Variants in ZAN observed in about 807,000 individuals in gnomAD.
ZAN encodes zonadhesin.
ZAN carries 260 observed loss-of-function variants against 286.2 expected under a neutral mutation model. The observed-to-expected ratio is 0.91, with a 90% confidence interval of 0.82 to 1.01. ZAN has a LOEUF of 1.01. Ranked by LOEUF, ZAN falls within the 50% of genes least tolerant of loss-of-function variation. The probability of loss-of-function intolerance (pLI) is 0.00; values close to 1 mark genes in which losing one functional copy is unlikely to be tolerated. For synonymous variants in ZAN, 1,368 were observed against 1,417.5 expected (o/e 0.97, Z 0.79); for missense variants, 3,410 against 3,639.2 (o/e 0.94, Z 1.62).
chr7:100,787,131 A>C (rs1461034436), intron 37 of ZAN, among the ~76,000 whole-genome samples: 2 of 151,870 alleles, frequency 1.3e-5, no homozygotes, highest in Non-Finnish European at 2.9e-5. Context: ...TGAAAAAAAA[A>C]AGTCTAGGTA....
rs1810185926 is a variant in ZAN at position 100,768,731 on chromosome 7, G to A, written c.5153+10G>A. On this transcript the variant is annotated intron_variant, in intron 27 of 47. Transcript: ENST00000613979. ...AATCCTCTGAACCTGGGTGAGCTGG[G>A]GGTCAGGGGAGCCAGGCAGGAGGGG... 1.9e-6 allele frequency: 3 copies of A among 1,582,966 alleles called. No homozygotes were observed. The highest frequency in any genetic ancestry group is 1.7e-4 in the Middle Eastern group (1 of 5,982).
In ZAN at chr7:100,788,014, G is replaced by T; in HGVS notation, c.7105G>T (p.Glu2369Ter). 3 of 1,570,610 alleles carry T rather than the reference G, an allele frequency of 1.9e-6. No individual in the cohort carries two copies. The highest frequency in any genetic ancestry group is 2.6e-6 in the Non-Finnish European group (3 of 1,150,416). Residue 2369 changes from glutamate (E) to a stop codon, truncating the protein, a stop_gained, in exon 38 of 48, where the codon GAG becomes TAG. Transcript: ENST00000613979. LOFTEE classifies it high-confidence loss of function. The stretch of plus-strand genomic sequence containing the variant: ...TGTGGACGTACTGCCTGAGGGGGTG[G>T]AGCCCCTCCTCGTGGAAGGACGCAA... ...KTVDVLPEGV[E>*]PLLVEGRNKM...
chr7:100,796,421 CT>C (rs144829996), intron 45 of ZAN, among the ~76,000 whole-genome samples: 13,899 of 120,294 alleles, frequency 0.12, 846 homozygotes, highest in African/African-American at 0.23. Context: ...CAGGAATCTG[CT>C]TTTTTTTTTT....
intron 34 of ZAN, among the ~76,000 whole-genome samples, 154 bp downstream of exon 34, chr7:100,776,718 CTTTTTTTTTTTTTT>C (rs1161585746): frequency 2.3e-4 from 11 of 47,508 alleles, no homozygotes; most frequent in Non-Finnish European, 2.4e-4. Flanking sequence ...CCTCTCCTTT[CTTTTTTTTTTTTTT>C]TTTTTTTTTT....
chr7:100,737,567 G>A (rs989601132), intron 6 of ZAN, among the ~76,000 whole-genome samples: 4 of 140,258 alleles, frequency 2.9e-5, no homozygotes, highest in African/African-American at 7.8e-5. Context: ...TTAGCCGGGC[G>A]CGGTGGCGGG....
chr7:100,770,110 C>A, intron 28 of ZAN, 136 bp downstream of exon 28: 2 of 767,660 alleles, frequency 2.6e-6, no homozygotes, highest in Non-Finnish European at 4.2e-6. Context: ...GAACACAGGG[C>A]CAGCCAGCAG....
chr7:100,739,644 G>A (rs911196741), intron 7 of ZAN, among the ~76,000 whole-genome samples: 2 of 133,082 alleles, frequency 1.5e-5, no homozygotes, highest in Non-Finnish European at 3.4e-5. Flanking sequence ...GTGCCCCGCC[G>A]TGAGTTATCA....
intron 30 of ZAN, 88 bp downstream of exon 30, chr7:100,773,581 C>G: frequency 6.4e-7 from 1 of 1,557,244 alleles, no homozygotes; most frequent in Admixed American, 1.9e-5. Context: ...GAGGAAGGCT[C>G]AGAACCTGGG....
At chr7:100,783,815 T>TACAC (rs1554409832) in intron 35 of ZAN, among the ~76,000 whole-genome samples, 2 of 44,244 alleles carry the variant, frequency 4.5e-5, no homozygotes, top group African/African-American at 5.9e-5. Flanking sequence ...CATATATATA[T>TACAC]ACATATATAT....
intron 24 of ZAN, 66 bp downstream of exon 24, chr7:100,766,732 C>G: frequency 6.6e-7 from 1 of 1,506,364 alleles, no homozygotes; most frequent in Non-Finnish European, 8.9e-7. Flanking sequence ...GTGATGGGTC[C>G]TGCCCAAAGC....
At chr7:100,771,743 G>GT in intron 28 of ZAN, 101 bp from the exon 29 acceptor site, 1 of 1,329,090 alleles carries the variant, frequency 7.5e-7, no homozygotes, top group Non-Finnish European at 1.0e-6. Flanking sequence ...GAAAATCCAG[G>GT]TTTTGACTGA....
chr7:100,767,211 C>T lies in ZAN; in HGVS notation c.4814C>T (p.Thr1605Ile), dbSNP rs752249924. 14 of 1,613,198 alleles carry T rather than the reference C, an allele frequency of 8.7e-6. No homozygotes were observed. The South Asian group carries it at 1.4e-4, about 16-fold the overall frequency. ...EVSYIKAVHV[T>I]VFDLSISLLR... is the part of the protein sequence containing the mutation. ...TCCTACATCAAAGCCGTCCACGTGA[C>T]AGTCTTTGACCTCAGCATCTCACTG... The change falls in exon 25 of 48, where the codon ACA becomes ATA. Residue 1605 changes from threonine (T) to isoleucine (I), a missense_variant. Transcript: ENST00000613979.
chr7:100,751,358 T>C, intron 13 of ZAN, 92 bp downstream of exon 13: 1 of 900,272 alleles, frequency 1.1e-6, no homozygotes, highest in Non-Finnish European at 1.6e-6. Flanking sequence ...GAGTCCTCCC[T>C]GGAGCCCGAA....
At chr7:100,796,073 C>T (rs1663226021) in intron 45 of ZAN, among the ~76,000 whole-genome samples, 1 of 151,896 alleles carries the variant, frequency 6.6e-6, no homozygotes, top group Non-Finnish European at 1.5e-5. Flanking sequence ...AAGACTCCAT[C>T]TCAAAAAAAA....
chr7:100,760,491 G>T lies in ZAN; in HGVS notation c.3797G>T (p.Arg1266Leu). The change falls in exon 19 of 48, where the codon CGG becomes CTG. Residue 1266 changes from arginine to leucine, a missense_variant. Arg to Leu is a moderately radical substitution (Grantham distance 102). Transcript: ENST00000613979. ...GAGCTGCAGACGGAGTTCGGTTTGCGGGTGAGATGGGATGGTGACCAGCAG... is the reference window on the plus strand; with the variant it reads ...GAGCTGCAGACGGAGTTCGGTTTGCTGGTGAGATGGGATGGTGACCAGCAG... Reference protein sequence around the residue: ...FVELQTEFGLRVRWDGDQQLY... With the variant: ...FVELQTEFGLLVRWDGDQQLY... 6.2e-7 allele frequency: 1 copy of T among 1,613,878 alleles called. No homozygotes were observed. Among genetic ancestry groups the T allele is most frequent in the Non-Finnish European group, 8.5e-7 (1 of 1,179,858 alleles).
intron 35 of ZAN, among the ~76,000 whole-genome samples, chr7:100,783,033 C>T (rs1175867323): frequency 1.3e-5 from 2 of 152,064 alleles, no homozygotes; most frequent in African/African-American, 4.8e-5. Flanking sequence ...TTTGGGAGGC[C>T]GAGGTGGGCG....
intron 18 of ZAN, 63 bp from the exon 19 acceptor site, chr7:100,760,328 G>T (rs1221072328): frequency 1.3e-6 from 2 of 1,581,998 alleles, no homozygotes; most frequent in African/African-American, 1.3e-5. Context: ...GGAAATGAAA[G>T]TCTGCTGGGG....
chr7:100,748,563 C>T lies in ZAN; in HGVS notation c.1249+93C>T, dbSNP rs1808396939. The T allele has an allele frequency of 8.7e-6, 13 of 1,496,246 alleles. No homozygotes were observed. The South Asian group carries it at 1.3e-4, about 15-fold the overall frequency. 92.7% of individuals were successfully genotyped at this position (1,496,246 alleles called of 1,614,324 possible). A position where few individuals can be genotyped will look rare whatever the true frequency, so the allele number is the denominator to read the frequency against. On this transcript the variant is annotated intron_variant, in intron 11 of 47. Coordinates refer to ENST00000613979, the MANE Select transcript of ZAN (RefSeq NM_003386.3). Reference sequence around the variant, plus strand: ...CTGTGACTGATGGGAGACGTTGTTTCAGGCAGTGGGAAGATCAGTCCACAG... The same window carrying T: ...CTGTGACTGATGGGAGACGTTGTTTTAGGCAGTGGGAAGATCAGTCCACAG...
At chr7:100,750,002 G>T in intron 11 of ZAN, among the ~76,000 whole-genome samples, 1 of 147,608 alleles carries the variant, frequency 6.8e-6, no homozygotes, top group Admixed American at 6.8e-5. Context: ...AGTGAGCTGA[G>T]ATCGTGTCAC....
Sources: allele counts gnomAD v4.1 joint callset (sites outside exome capture counted in the v4.1 genomes callset), GRCh38; gene constraint gnomAD v4.1.1; transcripts MANE v1.5; gene names NCBI Gene and HGNC (gene_info 2026-07-23, HGNC 2026-07-21).